Variants in GRHL1 observed in about 807,000 individuals in gnomAD.
GRHL1 encodes the protein grainyhead-like protein 1 homolog.
In GRHL1, 38 loss-of-function variants were observed where a neutral mutation model predicts 75.7. The ratio of observed to expected loss-of-function variants is 0.50; its 90% CI spans 0.39 to 0.66. The LOEUF (loss-of-function observed/expected upper bound fraction) is 0.66. Ranked by LOEUF, GRHL1 falls within the 30% of genes least tolerant of loss-of-function variation. The pLI is 0.00. For synonymous variants in GRHL1, 266 were observed against 279.4 expected (o/e 0.95, Z 0.48); for missense variants, 589 against 767.5 (o/e 0.77, Z 2.75).
At chr2:9,966,906 G>A (rs148223465) in intron 8 of GRHL1, among the ~76,000 whole-genome samples, 313 of 152,188 alleles carry the variant, frequency 2.1e-3, no homozygotes, top group African/African-American at 7.0e-3. Flanking sequence ...TGCATAGTCC[G>A]GAGTTTGTTG....
intron 8 of GRHL1, among the ~76,000 whole-genome samples, chr2:9,969,992 G>A (rs1330488325): frequency 1.3e-5 from 2 of 152,012 alleles, no homozygotes; most frequent in African/African-American, 4.8e-5. Flanking sequence ...ACAGGCGTCC[G>A]CCACCATGCC....
chr2:9,994,545 C>G (rs1668775368), intron 12 of GRHL1, among the ~76,000 whole-genome samples: 2 of 152,132 alleles, frequency 1.3e-5, no homozygotes. Context: ...ATGCCCCACA[C>G]GTTACCCATC....
chr2:9,974,767 C>T (rs575686238), intron 8 of GRHL1, among the ~76,000 whole-genome samples: 4 of 152,200 alleles, frequency 2.6e-5, no homozygotes, highest in South Asian at 2.1e-4. Flanking sequence ...GTCAGCTTCC[C>T]GAACTATACA....
intron 8 of GRHL1, among the ~76,000 whole-genome samples, chr2:9,979,085 G>A (rs1483453609): frequency 4.9e-5 from 7 of 143,208 alleles, no homozygotes; most frequent in African/African-American, 1.3e-4. Flanking sequence ...GCTTGAACCC[G>A]GGAGGTGGAG....
intron 1 of GRHL1, chr2:9,952,861 G>A: frequency 2.9e-6 from 1 of 340,800 alleles, no homozygotes; most frequent in South Asian, 2.3e-5. Flanking sequence ...GGATGAGATA[G>A]ATATTTTGTA....
At chr2:9,993,537 T>C (rs923858205) in intron 12 of GRHL1, among the ~76,000 whole-genome samples, 2 of 152,256 alleles carry the variant, frequency 1.3e-5, no homozygotes, top group African/African-American at 2.4e-5. Context: ...TTGTTTGTCA[T>C]GTTTGTTGAT....
chr2:9,988,244 C>T (rs947106947), intron 9 of GRHL1, among the ~76,000 whole-genome samples: 4 of 152,170 alleles, frequency 2.6e-5, no homozygotes, highest in Non-Finnish European at 4.4e-5. Context: ...GGATCTGGAG[C>T]TGTGCTCAGT....
chr2:9,998,746 ACATATATACG>A (rs1393417645), intron 14 of GRHL1, among the ~76,000 whole-genome samples: 1,219 of 36,028 alleles, frequency 0.034, 375 homozygotes, highest in South Asian at 0.037. Context: ...ATATGTACAC[ACATATATACG>A]TATATATATG....
chr2:9,963,782 A>AT, intron 5 of GRHL1, 104 bp from the exon 6 acceptor site: 1 of 770,028 alleles, frequency 1.3e-6, no homozygotes. Context: ...TTTGTTTCAG[A>AT]TTTTCTTTAA....
chr2:9,964,345 A>G lies in GRHL1; in HGVS notation c.1014A>G (p.Ile338Met). Reference protein sequence around the residue: ...QHTAKQRCIDIADYKESFNTI... With the variant: ...QHTAKQRCIDMADYKESFNTI... ...CCGCTAAACAAAGATGCATTGACAT[A>G]GGTAAGCAGCTCAAGAGCCCGCTTT... Residue 338 changes from isoleucine (I) to methionine (M), a missense_variant and splice_region_variant, in exon 7 of 16, where the codon ATA becomes ATG. Physicochemically the swap from Ile to Met is conservative, Grantham distance 10 (BLOSUM62 1). This residue lies in a region of GRHL1 where 362 missense variants were observed against 461.8 expected (regional missense o/e 0.78). Coordinates refer to ENST00000324907, the MANE Select transcript of GRHL1 (RefSeq NM_198182.3). The G allele has an allele frequency of 1.3e-6, 2 of 1,536,560 alleles. No individual in the cohort carries two copies. The highest frequency in any genetic ancestry group is 1.1e-5 in the South Asian group (1 of 88,876).
chr2:9,979,857 T>TG (rs1312069058), intron 8 of GRHL1, among the ~76,000 whole-genome samples: 1 of 152,242 alleles, frequency 6.6e-6, no homozygotes, highest in East Asian at 1.9e-4. Context: ...TTTTGACTCA[T>TG]GGACTCCAAG....
intron 8 of GRHL1, among the ~76,000 whole-genome samples, chr2:9,971,401 G>A (rs1352736048): frequency 2.0e-5 from 3 of 152,134 alleles, no homozygotes; most frequent in Non-Finnish European, 4.4e-5. Flanking sequence ...AAACTAAAGG[G>A]CATACTCCCT....
chr2:9,963,064 C>T (rs866761336), intron 5 of GRHL1, among the ~76,000 whole-genome samples: 1 of 152,116 alleles, frequency 6.6e-6, no homozygotes, highest in Non-Finnish European at 1.5e-5. Context: ...GTGTTTTTTA[C>T]ATGTGTTATA....
chr2:9,985,136 A>T (rs1463737778), intron 8 of GRHL1, among the ~76,000 whole-genome samples: 2 of 152,128 alleles, frequency 1.3e-5, no homozygotes, highest in Admixed American at 6.5e-5. Context: ...AGACTTTTGA[A>T]ACTGTGGGTT....
chr2:9,967,019 C>T (rs559513617), intron 8 of GRHL1, among the ~76,000 whole-genome samples: 23 of 152,316 alleles, frequency 1.5e-4, no homozygotes, highest in African/African-American at 2.6e-4. Flanking sequence ...CTGGCTACTA[C>T]GAACAGCCTA....
rs1386976971 is a variant in GRHL1 at position 9,998,478 on chromosome 2, A to G, written c.1678-487A>G. On this transcript the variant is annotated intron_variant, in intron 14 of 15. Coordinates refer to ENST00000324907, the MANE Select transcript of GRHL1 (RefSeq NM_198182.3). ...TATATACATATATATACGTATATAT[A>G]TACATATATATACGTATATATACAT... Among the ~76,000 whole-genome samples the G allele has an allele frequency of 6.0e-5, 2 of 33,584 alleles. 1 individual carries two copies. Among genetic ancestry groups the G allele is most frequent in the Admixed American group, 7.2e-4 (2 of 2,760 alleles). The allele number at this position is 33,584 out of a possible 152,430, so 22.0% of individuals were successfully genotyped here. A position where few individuals can be genotyped will look rare whatever the true frequency, so the allele number is the denominator to read the frequency against.
intron 7 of GRHL1, chr2:9,964,919 G>T (rs973645459): frequency 5.2e-6 from 1 of 191,416 alleles, no homozygotes; most frequent in African/African-American, 2.3e-5. Context: ...TTTAATATTA[G>T]TGTTACTTTT....
chr2:9,961,555 A>G, intron 4 of GRHL1, 119 bp downstream of exon 4: 1 of 973,136 alleles, frequency 1.0e-6, no homozygotes, highest in South Asian at 2.1e-5. Context: ...TAGGAATAAA[A>G]GATTTTTTTT....
chr2:9,975,056 C>T (rs747912244), intron 8 of GRHL1, among the ~76,000 whole-genome samples: 19 of 152,140 alleles, frequency 1.2e-4, no homozygotes, highest in Non-Finnish European at 1.9e-4. Flanking sequence ...CTCATAGAGT[C>T]GCTGTTGTGA....
Sources: allele counts gnomAD v4.1 joint callset (sites outside exome capture counted in the v4.1 genomes callset), GRCh38; gene constraint gnomAD v4.1.1; regional missense constraint gnomAD v4.1.1; transcripts MANE v1.5; gene names NCBI Gene and HGNC (gene_info 2026-07-23, HGNC 2026-07-21).